Variants in FBXL7 observed in about 807,000 individuals in gnomAD.
FBXL7 encodes F-box/LRR-repeat protein 7.
In FBXL7, 12 loss-of-function variants were observed where a neutral mutation model predicts 38.3. The ratio of observed to expected loss-of-function variants is 0.31; its 90% CI spans 0.20 to 0.51. The LOEUF is 0.51. FBXL7 is among the 20% of genes least tolerant of loss of function. FBXL7 has a pLI of 0.98. For synonymous variants in FBXL7, 297 were observed against 300.9 expected (o/e 0.99, Z 0.13); for missense variants, 567 against 676.4 (o/e 0.84, Z 1.79).
At chr5:15,613,617 A>G (rs1740333163) in intron 1 of FBXL7, among the ~76,000 whole-genome samples, 2 of 152,242 alleles carry the variant, frequency 1.3e-5, no homozygotes, top group South Asian at 4.2e-4. Context: ...CCCATGGGTA[A>G]TATCACCTGA....
chr5:15,819,022 A>G (rs1315807026), intron 2 of FBXL7, among the ~76,000 whole-genome samples: 1 of 152,184 alleles, frequency 6.6e-6, no homozygotes, highest in African/African-American at 2.4e-5. Context: ...GATAACTTCC[A>G]AAAGACAATC....
chr5:15,533,053 G>T, intron 1 of FBXL7, among the ~76,000 whole-genome samples: 1 of 152,190 alleles, frequency 6.6e-6, no homozygotes, highest in East Asian at 1.9e-4. Context: ...GTTGAGTTTG[G>T]GGTGACTGTG....
At chr5:15,920,834 T>C (rs959848034) in intron 2 of FBXL7, among the ~76,000 whole-genome samples, 2 of 152,164 alleles carry the variant, frequency 1.3e-5, no homozygotes, top group Non-Finnish European at 2.9e-5. Context: ...TTGGTTCTTT[T>C]TGTGTCTTTT....
intron 2 of FBXL7, among the ~76,000 whole-genome samples, chr5:15,927,250 G>T (rs895482865): frequency 6.6e-6 from 1 of 152,052 alleles, no homozygotes; most frequent in Non-Finnish European, 1.5e-5. Flanking sequence ...AGGGCTTGTC[G>T]TTGCAAGGGG....
intron 2 of FBXL7, among the ~76,000 whole-genome samples, chr5:15,769,916 AC>A (rs1736684412): frequency 6.6e-6 from 1 of 152,174 alleles, no homozygotes; most frequent in African/African-American, 2.4e-5. Flanking sequence ...TACCTTTGAA[AC>A]TTTTTTTGTA....
intron 1 of FBXL7, among the ~76,000 whole-genome samples, chr5:15,511,847 G>A (rs78097092): frequency 0.011 from 1,743 of 152,246 alleles, 20 homozygotes; most frequent in Middle Eastern, 0.051. Context: ...GTCCTTATTG[G>A]TCATCTCAAA....
intron 2 of FBXL7, among the ~76,000 whole-genome samples, chr5:15,657,836 C>T (rs1741931726): frequency 7.5e-6 from 1 of 134,118 alleles, no homozygotes; most frequent in South Asian, 2.4e-4. Context: ...GAAACTTTGT[C>T]TAAATTAAAA....
intron 1 of FBXL7, among the ~76,000 whole-genome samples, chr5:15,537,626 G>A (rs954711425): frequency 6.6e-6 from 1 of 152,220 alleles, no homozygotes; most frequent in Non-Finnish European, 1.5e-5. Flanking sequence ...AGGACAAATT[G>A]TTGTGGTCCC....
Position 15,822,622 on chromosome 5 carries a change from CTTTTTTT to C in FBXL7, c.128-105255_128-105249del, listed in dbSNP as rs371800054. Reference sequence around the variant, plus strand: ...CGGATGAACATTTGAGCTGGTTGCTCTTTTTTTTTTTTTTTTTTTCTTGCAGGGCGTT... The same window carrying C: ...CGGATGAACATTTGAGCTGGTTGCTCTTTTTTTTTTTTCTTGCAGGGCGTT... On this transcript the variant is annotated intron_variant, in intron 2 of 3. Transcript: ENST00000504595. 7.6e-5 allele frequency among the ~76,000 whole-genome samples: 10 copies of C among 131,776 alleles called. No homozygotes were observed. In the South Asian group the frequency reaches 1.2e-3, roughly 16 times the overall value. The allele number at this position is 131,776 out of a possible 152,430, so 86.5% of individuals were successfully genotyped here.
chr5:15,895,559 A>G (rs1197560592), intron 2 of FBXL7, among the ~76,000 whole-genome samples: 1 of 151,854 alleles, frequency 6.6e-6, no homozygotes, highest in African/African-American at 2.4e-5. Context: ...TACAACGTGA[A>G]CATCTCCAAT....
chr5:15,528,956 T>C (rs945131422), intron 1 of FBXL7, among the ~76,000 whole-genome samples: 4 of 149,448 alleles, frequency 2.7e-5, no homozygotes, highest in Admixed American at 1.3e-4. Flanking sequence ...TCTACTCTCT[T>C]AGCAATTTTT....
chr5:15,544,706 G>A (rs1561022335), intron 1 of FBXL7, among the ~76,000 whole-genome samples: 1 of 152,132 alleles, frequency 6.6e-6, no homozygotes, highest in Non-Finnish European at 1.5e-5. Flanking sequence ...CTTGTGAGTA[G>A]GGAGATTAAA....
At chr5:15,876,524 G>A (rs556824606) in intron 2 of FBXL7, among the ~76,000 whole-genome samples, 3 of 152,170 alleles carry the variant, frequency 2.0e-5, no homozygotes, top group Non-Finnish European at 2.9e-5. Context: ...TTTGCACTCA[G>A]TAAGGGCATT....
chr5:15,662,809 T>C (rs1460628844), intron 2 of FBXL7, among the ~76,000 whole-genome samples: 4 of 152,210 alleles, frequency 2.6e-5, no homozygotes, highest in African/African-American at 9.6e-5. Context: ...CAGATGGTCA[T>C]ACGTGTGTGA....
At chr5:15,525,241 C>A (rs142021898) in intron 1 of FBXL7, among the ~76,000 whole-genome samples, 1 of 152,256 alleles carries the variant, frequency 6.6e-6, no homozygotes, top group African/African-American at 2.4e-5. Flanking sequence ...TATTTTTATT[C>A]ATTTTGGTAC....
At chr5:15,671,657 A>G (rs1355555281) in intron 2 of FBXL7, among the ~76,000 whole-genome samples, 1 of 152,216 alleles carries the variant, frequency 6.6e-6, no homozygotes, top group Non-Finnish European at 1.5e-5. Flanking sequence ...TAGTTACCAC[A>G]AGGATATTAG....
intron 2 of FBXL7, among the ~76,000 whole-genome samples, chr5:15,783,391 A>G (rs16867713): frequency 0.049 from 7,478 of 152,256 alleles, 334 homozygotes; most frequent in African/African-American, 0.11. Context: ...CAGAGTGGAA[A>G]AAAGGGCTGT....
At chr5:15,769,460 CT>C (rs1482003359) in intron 2 of FBXL7, among the ~76,000 whole-genome samples, 1 of 152,160 alleles carries the variant, frequency 6.6e-6, no homozygotes, top group East Asian at 1.9e-4. Flanking sequence ...ATTTTCTAGA[CT>C]TTCTCTTCTG....
intron 2 of FBXL7, among the ~76,000 whole-genome samples, chr5:15,669,715 G>T (rs548451265): frequency 1.3e-5 from 2 of 151,994 alleles, no homozygotes; most frequent in Non-Finnish European, 1.5e-5. Context: ...ATCCTGTCAC[G>T]GTAAGTTTCT....
Sources: allele counts gnomAD v4.1 joint callset (sites outside exome capture counted in the v4.1 genomes callset), GRCh38; gene constraint gnomAD v4.1.1; transcripts MANE v1.5; gene names NCBI Gene and HGNC (gene_info 2026-07-23, HGNC 2026-07-21).